The following CALN1 variants were observed in gnomAD, a reference collection of about 807,000 sequenced individuals.
The protein encoded by CALN1 is calneuron 1, also known as calcium-binding protein 8.
CALN1 carries 17 observed loss-of-function variants against 30.6 expected under a neutral mutation model. The observed-to-expected ratio is 0.56, with a 90% confidence interval of 0.38 to 0.83. The LOEUF (loss-of-function observed/expected upper bound fraction) is 0.83. Ranked by LOEUF, CALN1 falls within the 40% of genes least tolerant of loss-of-function variation. The pLI is 0.00. For synonymous variants in CALN1, 156 were observed against 131.4 expected (o/e 1.19, Z -1.28); for missense variants, 291 against 354.9 (o/e 0.82, Z 1.45).
chr7:72,392,535 T>C (rs930561195), intron 2 of CALN1, among the ~76,000 whole-genome samples: 1 of 152,146 alleles, frequency 6.6e-6, no homozygotes, highest in African/African-American at 2.4e-5. Flanking sequence ...CCAGTTCCCT[T>C]TGCACTGTGA....
intron 3 of CALN1, among the ~76,000 whole-genome samples, chr7:72,135,496 C>G (rs748996311): frequency 2.6e-5 from 4 of 152,126 alleles, no homozygotes; most frequent in Non-Finnish European, 5.9e-5. Flanking sequence ...TCTTGGGTGA[C>G]CAGGTGCATT....
chr7:71,788,806 C>A (rs972564938), intron 6 of CALN1, among the ~76,000 whole-genome samples: 1 of 151,854 alleles, frequency 6.6e-6, no homozygotes. Context: ...TATAGGCGCC[C>A]GCCACCATGC....
chr7:72,499,483 A>C, the CALN1 span, among the ~76,000 whole-genome samples: 1 of 152,194 alleles, frequency 6.6e-6, no homozygotes, highest in Non-Finnish European at 1.5e-5. Flanking sequence ...ATGATACATA[A>C]ATAAGGCAAT....
intron 2 of CALN1, among the ~76,000 whole-genome samples, chr7:72,300,241 T>C (rs11984207): frequency 0.016 from 2,479 of 152,210 alleles, 64 homozygotes; most frequent in African/African-American, 0.056. Flanking sequence ...TTCATAGCAA[T>C]TGAAACAACA....
chr7:72,463,386 G>T, the CALN1 span, among the ~76,000 whole-genome samples: 1 of 152,082 alleles, frequency 6.6e-6, no homozygotes, highest in Admixed American at 6.5e-5. Context: ...CAAGTGATCT[G>T]CCCGCCTCGG....
intron 4 of CALN1, among the ~76,000 whole-genome samples, chr7:72,051,770 T>C (rs1421588034): frequency 6.6e-6 from 1 of 152,158 alleles, no homozygotes. Flanking sequence ...AATCCATGTA[T>C]GAAATCAAAT....
chr7:72,219,182 C>T (rs1237858354), intron 3 of CALN1, among the ~76,000 whole-genome samples: 1 of 152,172 alleles, frequency 6.6e-6, no homozygotes, highest in Admixed American at 6.5e-5. Context: ...AAAAATTCTT[C>T]CCTAGTGACA....
chr7:72,169,225 C>CA (rs553546919), intron 3 of CALN1, among the ~76,000 whole-genome samples: 15 of 150,424 alleles, frequency 1.0e-4, no homozygotes, highest in East Asian at 1.9e-4. Flanking sequence ...GAACTTAAGA[C>CA]AAAAAAAAAG....
intron 2 of CALN1, among the ~76,000 whole-genome samples, chr7:72,365,558 T>C (rs1314707726): frequency 6.6e-6 from 1 of 152,032 alleles, no homozygotes; most frequent in African/African-American, 2.4e-5. Context: ...AACTCCTATG[T>C]AGCTGGGACT....
chr7:72,171,774 G>C (rs1788985531), intron 3 of CALN1, among the ~76,000 whole-genome samples: 1 of 152,078 alleles, frequency 6.6e-6, no homozygotes, highest in South Asian at 2.1e-4. Context: ...ATTTATTTTA[G>C]AGATCAGTAA....
At position 71,781,456 on chromosome 7, in the gene CALN1, G is replaced by C. The variant is rs1340653987; in HGVS notation, c.*6319C>G. ...TGAAATGCACAGAGCCTTTCGTGTG[G>C]ATCAGACTGATGGGCAGCCCCATGG... On this transcript the variant is annotated 3_prime_UTR_variant, in exon 7 of 7. Coordinates refer to ENST00000395275, the MANE Select transcript of CALN1 (RefSeq NM_031468.4). 3 of 152,238 alleles carry C rather than the reference G, an allele frequency of 2.0e-5. No individual in the cohort carries two copies. Among genetic ancestry groups the C allele is most frequent in the African/African-American group, 7.2e-5 (3 of 41,452 alleles). The allele number at this position is 152,238 out of a possible 1,614,324, so 9.4% of individuals were successfully genotyped here. A position where few individuals can be genotyped will look rare whatever the true frequency, so the allele number is the denominator to read the frequency against.
the CALN1 span, among the ~76,000 whole-genome samples, chr7:72,467,921 A>C: frequency 6.6e-6 from 1 of 152,100 alleles, no homozygotes; most frequent in Admixed American, 6.5e-5. Context: ...TTTGTATTAT[A>C]TCTCTCTGGA....
chr7:71,959,481 C>A (rs757565637), intron 5 of CALN1, among the ~76,000 whole-genome samples: 1 of 152,156 alleles, frequency 6.6e-6, no homozygotes, highest in East Asian at 1.9e-4. Context: ...TCTACCAAAA[C>A]GACTATGTTC....
At chr7:72,392,775 C>T (rs191603276) in intron 2 of CALN1, among the ~76,000 whole-genome samples, 1 of 151,920 alleles carries the variant, frequency 6.6e-6, no homozygotes, top group African/African-American at 2.4e-5. Context: ...CAGAAGAATT[C>T]AAGACCAGCC....
intron 5 of CALN1, among the ~76,000 whole-genome samples, chr7:71,948,056 CAG>C (rs572400346): frequency 1.3e-4 from 20 of 151,918 alleles, no homozygotes; most frequent in Non-Finnish European, 2.5e-4. Flanking sequence ...AGATTTTGTT[CAG>C]GTGATAATTA....
At chr7:72,228,843 C>T (rs988590076) in intron 3 of CALN1, among the ~76,000 whole-genome samples, 1 of 151,250 alleles carries the variant, frequency 6.6e-6, no homozygotes, top group Non-Finnish European at 1.5e-5. Context: ...CTCACTGCAA[C>T]CTCAACCTCC....
chr7:72,349,878 T>C (rs1429846973), intron 2 of CALN1, among the ~76,000 whole-genome samples: 1 of 152,216 alleles, frequency 6.6e-6, no homozygotes, highest in Admixed American at 6.5e-5. Flanking sequence ...TTCTCCCAAT[T>C]CTGTTGGTTG....
intron 5 of CALN1, among the ~76,000 whole-genome samples, chr7:71,981,421 C>G (rs1251268363): frequency 1.3e-5 from 2 of 152,084 alleles, no homozygotes; most frequent in African/African-American, 4.8e-5. Context: ...GCCTGCAATC[C>G]CAGCACTTTG....
intron 1 of CALN1, among the ~76,000 whole-genome samples, chr7:72,443,218 GTCT>G (rs951661783): frequency 1.1e-4 from 17 of 152,034 alleles, no homozygotes; most frequent in African/African-American, 4.1e-4. Flanking sequence ...TTATTTTTTT[GTCT>G]TCTTCTCTGC....
Sources: allele counts gnomAD v4.1 joint callset (sites outside exome capture counted in the v4.1 genomes callset), GRCh38; gene constraint gnomAD v4.1.1; transcripts MANE v1.5; gene names NCBI Gene and HGNC (gene_info 2026-07-23, HGNC 2026-07-21).